The following EPHB1 variants were observed in gnomAD, a reference collection of about 807,000 sequenced individuals.
EPHB1 encodes the protein ephrin type-B receptor 1.
Under a neutral mutation model 94.4 loss-of-function variants are expected in EPHB1, and 30 were observed. That is an observed-to-expected ratio of 0.32 (90% confidence interval 0.24 to 0.43). The LOEUF is 0.43. EPHB1 is among the 20% of genes least tolerant of loss of function. The pLI is 1.00. For synonymous variants in EPHB1, 522 were observed against 489.1 expected, an observed-to-expected ratio of 1.07 and a Z score of -0.89; for missense variants, 1,055 against 1,308.3, an observed-to-expected ratio of 0.81 and a Z score of 2.99.
In EPHB1 at chr3:135,068,239, C is replaced by T. The variant is rs942503313; in HGVS notation, c.806-38209C>T. Among the ~76,000 whole-genome samples, 97 of 152,196 alleles carry T rather than the reference C, an allele frequency of 6.4e-4. 1 individual carries two copies. Among genetic ancestry groups the T allele is most frequent in the African/African-American group, 2.2e-3 (93 of 41,446 alleles). ...CCTGCCTCCCATCTGCCATGATGAT[C>T]GGGAACCAATCCAAACTGTTTTTCA... On this transcript the variant is annotated intron_variant, in intron 3 of 15. Transcript: ENST00000398015.
chr3:135,077,116 TAAAAA>T (rs999992925), intron 3 of EPHB1, among the ~76,000 whole-genome samples: 30 of 152,148 alleles, frequency 2.0e-4, no homozygotes, highest in African/African-American at 7.2e-4. Context: ...CTGCTTAAGA[TAAAAA>T]AGAAAGAAAG....
chr3:135,119,195 T>C (rs1306783945), intron 4 of EPHB1, among the ~76,000 whole-genome samples: 1 of 152,252 alleles, frequency 6.6e-6, no homozygotes, highest in Non-Finnish European at 1.5e-5. Flanking sequence ...CTTGCCTTTT[T>C]CTATATTTAA....
At chr3:134,860,642 A>T (rs2037235829) in intron 1 of EPHB1, among the ~76,000 whole-genome samples, 1 of 152,086 alleles carries the variant, frequency 6.6e-6, no homozygotes, top group Non-Finnish European at 1.5e-5. Flanking sequence ...GTGAAACCCC[A>T]TCTCTACCAA....
intron 11 of EPHB1, among the ~76,000 whole-genome samples, chr3:135,194,478 G>A (rs1374063750): frequency 6.6e-6 from 1 of 152,208 alleles, no homozygotes; most frequent in Non-Finnish European, 1.5e-5. Flanking sequence ...GAAGCAGGTA[G>A]GTAGGCTGAT....
intron 15 of EPHB1, among the ~76,000 whole-genome samples, chr3:135,256,145 A>G (rs1933374408): frequency 6.6e-6 from 1 of 152,186 alleles, no homozygotes; most frequent in African/African-American, 2.4e-5. Flanking sequence ...TGAATACAGC[A>G]CACTGATGGG....
chr3:135,230,859 G>A lies in EPHB1; in HGVS notation c.2347-10289G>A. The stretch of plus-strand genomic sequence containing the variant: ...CCTGCACTAATTCATTTAGGATTCT[G>A]GCCTCCAGCTCCATTCATGTTACCA... On this transcript the variant is annotated intron_variant, in intron 12 of 15. Coordinates refer to ENST00000398015, the MANE Select transcript of EPHB1 (RefSeq NM_004441.5). Among the ~76,000 whole-genome samples the A allele has an allele frequency of 1.3e-5, 2 of 152,156 alleles. 1 individual carries two copies. Among genetic ancestry groups the A allele is most frequent in the Admixed American group, 1.3e-4 (2 of 15,272 alleles).
At chr3:134,920,900 G>A (rs944063497) in intron 1 of EPHB1, among the ~76,000 whole-genome samples, 3 of 152,074 alleles carry the variant, frequency 2.0e-5, no homozygotes, top group African/African-American at 7.2e-5. Context: ...TGTTCCCTGG[G>A]AATATGGGAT....
At chr3:135,188,351 C>G (rs945060577) in intron 10 of EPHB1, among the ~76,000 whole-genome samples, 1 of 146,678 alleles carries the variant, frequency 6.8e-6, no homozygotes, top group African/African-American at 2.5e-5. Flanking sequence ...AAAAATTAGC[C>G]GGGCGTTGTG....
chr3:135,164,261 T>C (rs2107699056), intron 7 of EPHB1, among the ~76,000 whole-genome samples: 1 of 152,340 alleles, frequency 6.6e-6, no homozygotes, highest in African/African-American at 2.4e-5. Flanking sequence ...CTTCCGTCTT[T>C]AAAATTCTAG....
intron 1 of EPHB1, among the ~76,000 whole-genome samples, chr3:134,836,728 A>T (rs2036679658): frequency 1.3e-5 from 2 of 152,250 alleles, no homozygotes; most frequent in African/African-American, 2.4e-5. Flanking sequence ...AACAAATACA[A>T]ATCAGCTTAA....
At chr3:135,203,403 T>C (rs1016282112) in intron 12 of EPHB1, among the ~76,000 whole-genome samples, 3 of 152,064 alleles carry the variant, frequency 2.0e-5, no homozygotes, top group Non-Finnish European at 4.4e-5. Context: ...TCCCAGAACT[T>C]AAAGTAAAAT....
At chr3:135,099,831 C>T (rs908729938) in intron 3 of EPHB1, among the ~76,000 whole-genome samples, 32 of 152,148 alleles carry the variant, frequency 2.1e-4, no homozygotes, top group African/African-American at 7.7e-4. Flanking sequence ...GCCTCTCTTA[C>T]AGAATGAGAA....
At chr3:134,855,246 C>G (rs1429594800) in intron 1 of EPHB1, among the ~76,000 whole-genome samples, 1 of 152,188 alleles carries the variant, frequency 6.6e-6, no homozygotes, top group African/African-American at 2.4e-5. Flanking sequence ...ACAGAGACTT[C>G]CAGGCAGGCT....
chr3:135,180,225 G>A (rs905831131), intron 10 of EPHB1, among the ~76,000 whole-genome samples: 1 of 152,200 alleles, frequency 6.6e-6, no homozygotes, highest in Admixed American at 6.5e-5. Flanking sequence ...AGAAAAGTCA[G>A]CTGCAGTTTT....
At chr3:134,939,677 G>A (rs988351473) in intron 2 of EPHB1, among the ~76,000 whole-genome samples, 1 of 152,170 alleles carries the variant, frequency 6.6e-6, no homozygotes, top group Non-Finnish European at 1.5e-5. Flanking sequence ...GGTGGGGAAG[G>A]CTTGGTAGTG....
chr3:134,841,000 A>G (rs1348082338), intron 1 of EPHB1, among the ~76,000 whole-genome samples: 1 of 152,210 alleles, frequency 6.6e-6, no homozygotes, highest in Admixed American at 6.5e-5. Flanking sequence ...TTGCACCACA[A>G]TGCCTGCCCT....
chr3:135,064,942 A>G (rs1015243855), intron 3 of EPHB1, among the ~76,000 whole-genome samples: 1 of 151,912 alleles, frequency 6.6e-6, no homozygotes, highest in Non-Finnish European at 1.5e-5. Context: ...TTTAATTTCT[A>G]TCTTGATTTT....
At chr3:135,147,550 C>T (rs1941052308) in intron 5 of EPHB1, among the ~76,000 whole-genome samples, 1 of 152,178 alleles carries the variant, frequency 6.6e-6, no homozygotes, top group Non-Finnish European at 1.5e-5. Context: ...TCACACTGTG[C>T]AGGCTGGGGC....
chr3:135,124,372 G>A (rs573132116), intron 4 of EPHB1, among the ~76,000 whole-genome samples: 30 of 151,758 alleles, frequency 2.0e-4, no homozygotes, highest in Admixed American at 9.8e-4. Flanking sequence ...ATTTATCTAC[G>A]TATTGAAATG....
Sources: gnomAD v4.1 joint callset for allele counts (sites outside exome capture counted in the v4.1 genomes callset) on GRCh38, gnomAD v4.1.1 for gene constraint, MANE v1.5 for transcripts, NCBI Gene and HGNC (gene_info 2026-07-23, HGNC 2026-07-21) for gene names.